ZNF827: variants seen among roughly 807,000 people sequenced by gnomAD.
ZNF827 encodes the protein zinc finger protein 827.
Under a neutral mutation model 102.4 loss-of-function variants are expected in ZNF827, and 13 were observed. That is an observed-to-expected ratio of 0.13 (90% confidence interval 0.08 to 0.20). The LOEUF (loss-of-function observed/expected upper bound fraction) is 0.20. ZNF827 is among the 10% of genes least tolerant of loss of function. The pLI, the probability that ZNF827 is intolerant of heterozygous loss-of-function variation, is 1.00. For synonymous variants in ZNF827, 523 were observed against 536.2 expected, an observed-to-expected ratio of 0.98 and a Z score of 0.34; for missense variants, 1,103 against 1,344.4, an observed-to-expected ratio of 0.82 and a Z score of 2.81.
chr4:145,835,593 A>G (rs2126577827), intron 7 of ZNF827, among the ~76,000 whole-genome samples: 1 of 149,954 alleles, frequency 6.7e-6, no homozygotes, highest in East Asian at 2.0e-4. Context: ...TTCCCAATCC[A>G]AAGCCTCCTT....
rs1579057833 is a variant in ZNF827 at position 145,760,691 on chromosome 4, A to G, written c.*925T>C. ...GTCTGTAGGTTTTGCAGCAACATAC[A>G]CCTGCTGGGGTTGTGTTTAAGTTTT... On this transcript the variant is annotated 3_prime_UTR_variant, in exon 15 of 15. Coordinates refer to ENST00000508784, the MANE Select transcript of ZNF827 (RefSeq NM_001306215.2). The G allele has an allele frequency of 1.0e-6, 1 of 970,184 alleles. No individual in the cohort carries two copies. The highest frequency in any genetic ancestry group is 2.5e-5 in the South Asian group (1 of 39,698). The allele number at this position is 970,184 out of a possible 1,614,324, so 60.1% of individuals were successfully genotyped here.
At chr4:145,911,472 T>C (rs1332886977) in intron 1 of ZNF827, among the ~76,000 whole-genome samples, 3 of 152,210 alleles carry the variant, frequency 2.0e-5, no homozygotes, top group Non-Finnish European at 4.4e-5. Context: ...TTATTACTGC[T>C]ATTACTAACC....
intron 4 of ZNF827, among the ~76,000 whole-genome samples, chr4:145,879,019 T>G (rs1292961293): frequency 6.6e-6 from 1 of 152,040 alleles, no homozygotes; most frequent in Non-Finnish European, 1.5e-5. Flanking sequence ...TTAACTAGAT[T>G]AGTGACTGAA....
At chr4:145,820,892 G>A (rs1415462522) in intron 8 of ZNF827, among the ~76,000 whole-genome samples, 1 of 152,128 alleles carries the variant, frequency 6.6e-6, no homozygotes, top group Non-Finnish European at 1.5e-5. Context: ...AAGAACCCAT[G>A]ACTCTTATAC....
Position 145,765,370 on chromosome 4 carries a change from C to T in ZNF827, c.3052+177G>A, listed in dbSNP as rs988822503. 6.6e-6 allele frequency among the ~76,000 whole-genome samples: 1 copy of T among 152,194 alleles called. No homozygotes were observed. Among genetic ancestry groups the T allele is most frequent in the African/African-American group, 2.4e-5 (1 of 41,432 alleles). ...CAATGTCACCCTCCCCATCCTTCCA[C>T]CCCATACTCGGATTCAAATTAAGCC... On this transcript the variant is annotated intron_variant, in intron 12 of 14. Coordinates refer to ENST00000508784, the MANE Select transcript of ZNF827 (RefSeq NM_001306215.2). This position sits in a 1 kb window ranked among gnomAD's most constrained non-coding sequence, Gnocchi z 4.7.
chr4:145,763,863 C>T lies in ZNF827; in HGVS notation c.3231-741G>A, dbSNP rs1407332543. The stretch of plus-strand genomic sequence containing the variant: ...CAATCCCTTCTGCCCTCCCCTCCCC[C>T]TCCCCCAAGAGTGAAACGAAATGGA... On this transcript the variant is annotated intron_variant, in intron 13 of 14. Coordinates refer to ENST00000508784, the MANE Select transcript of ZNF827 (RefSeq NM_001306215.2). This position sits in a 1 kb window ranked among gnomAD's most constrained non-coding sequence, Gnocchi z 4.6. Among the ~76,000 whole-genome samples, 2 of 152,182 alleles carry T rather than the reference C, an allele frequency of 1.3e-5. No homozygotes were observed. The highest frequency in any genetic ancestry group is 2.9e-5 in the Non-Finnish European group (2 of 68,044).
intron 1 of ZNF827, among the ~76,000 whole-genome samples, chr4:145,922,004 C>T (rs1192675249): frequency 6.6e-6 from 1 of 152,174 alleles, no homozygotes; most frequent in Admixed American, 6.5e-5. Flanking sequence ...TCTAAACCAA[C>T]AGATATACAG....
intron 7 of ZNF827, among the ~76,000 whole-genome samples, chr4:145,826,986 A>T (rs1371285965): frequency 6.6e-6 from 1 of 151,984 alleles, no homozygotes; most frequent in Non-Finnish European, 1.5e-5. Flanking sequence ...ACCTCATGTG[A>T]CCCACCTGCC....
intron 5 of ZNF827, among the ~76,000 whole-genome samples, chr4:145,858,456 C>T (rs1235620906): frequency 6.6e-6 from 1 of 151,628 alleles, no homozygotes; most frequent in Admixed American, 6.6e-5. Context: ...GGTAACATAG[C>T]GAGATCCAGT....
rs758510535 is a variant in ZNF827 at position 145,902,557 on chromosome 4, G to A, written c.702C>T (p.Thr234=). The A allele has an allele frequency of 3.7e-6, 6 of 1,614,024 alleles. No homozygotes were observed. In the Admixed American group the frequency reaches 6.7e-5, roughly 18 times the overall value. The change falls in exon 2 of 15, where the codon ACC becomes ACT. Residue 234 remains threonine (T), a synonymous_variant. Transcript: ENST00000508784. The surrounding 1 kb of genome is among the most constrained non-coding windows in gnomAD (Gnocchi z 4.3). The part of the protein sequence containing the change: ...QDKSLTRTEE[T]MRFESFSSPF... ...GGGAGGAAAAGGACTCAAATCGCAT[G>A]GTCTCCTCAGTCCTGGTGAGAGATT...
At chr4:145,861,170 CTTCT>C (rs1747692743) in intron 5 of ZNF827, among the ~76,000 whole-genome samples, 1 of 152,184 alleles carries the variant, frequency 6.6e-6, no homozygotes, top group Non-Finnish European at 1.5e-5. Context: ...AAATATTCCC[CTTCT>C]TTGACATGAA....
chr4:145,936,482 C>A (rs1374411662), intron 1 of ZNF827, among the ~76,000 whole-genome samples: 1 of 152,082 alleles, frequency 6.6e-6, no homozygotes, highest in Non-Finnish European at 1.5e-5. Flanking sequence ...AAGCACAACC[C>A]AAGCCCTTTG....
chr4:145,914,400 C>T (rs985829133), intron 1 of ZNF827, among the ~76,000 whole-genome samples: 9 of 152,154 alleles, frequency 5.9e-5, no homozygotes, highest in Non-Finnish European at 1.5e-5. Flanking sequence ...TATTTTTTAT[C>T]AGTTATGCAC....
At chr4:145,938,141 GAAAGAA>G (rs1241358049) in intron 1 of ZNF827, among the ~76,000 whole-genome samples, 1 of 151,628 alleles carries the variant, frequency 6.6e-6, no homozygotes, top group Non-Finnish European at 1.5e-5. Context: ...GTGAGAGAAA[GAAAGAA>G]AAAGAGAGAG....
chr4:145,816,814 T>C (rs1409394373), intron 8 of ZNF827, among the ~76,000 whole-genome samples: 1 of 152,218 alleles, frequency 6.6e-6, no homozygotes. Flanking sequence ...GTTTTTGGAT[T>C]TGAAATGCAA....
intron 7 of ZNF827, among the ~76,000 whole-genome samples, chr4:145,824,770 C>G (rs1458911594): frequency 2.0e-5 from 3 of 152,192 alleles, no homozygotes; most frequent in Admixed American, 6.5e-5. Flanking sequence ...GAACAACAGA[C>G]CAAGCCTAGG....
intron 7 of ZNF827, among the ~76,000 whole-genome samples, chr4:145,838,847 TA>T (rs1230173266): frequency 1.3e-5 from 2 of 152,220 alleles, no homozygotes; most frequent in Non-Finnish European, 2.9e-5. Context: ...GGAAATAAGT[TA>T]CTTTTAAAAG....
At chr4:145,931,458 G>T (rs1374585201) in intron 1 of ZNF827, among the ~76,000 whole-genome samples, 1 of 152,150 alleles carries the variant, frequency 6.6e-6, no homozygotes, top group Non-Finnish European at 1.5e-5. Flanking sequence ...ACTAGGCCTG[G>T]CCTGGATTTT....
At chr4:145,850,225 G>T (rs899958808) in intron 5 of ZNF827, among the ~76,000 whole-genome samples, 1 of 152,078 alleles carries the variant, frequency 6.6e-6, no homozygotes, top group African/African-American at 2.4e-5. Context: ...GACCAGGCTG[G>T]TCTTCAACTC....
Sources: gnomAD v4.1 joint callset for allele counts (sites outside exome capture counted in the v4.1 genomes callset) on GRCh38, gnomAD v4.1.1 for gene constraint, Gnocchi (gnomAD v3.1) non-coding constraint, MANE v1.5 for transcripts, NCBI Gene and HGNC (gene_info 2026-07-23, HGNC 2026-07-21) for gene names.